The following RPRD2 variants were observed in gnomAD, a reference collection of about 807,000 sequenced individuals.
The protein encoded by RPRD2 is regulation of nuclear pre-mRNA domain containing 2.
Under a neutral mutation model 104.4 loss-of-function variants are expected in RPRD2, and 12 were observed. The ratio of observed to expected loss-of-function variants is 0.11; its 90% confidence interval spans 0.07 to 0.19. The LOEUF is 0.19. RPRD2 is among the 10% of genes least tolerant of loss of function. RPRD2 has a pLI of 1.00. For missense variants in RPRD2, 1,543 were observed against 1,790.1 expected (o/e 0.86, Z 2.49); for synonymous variants, 714 against 684.9 (o/e 1.04, Z -0.66).
At chr1:150,391,809 G>A (rs1411117453) in intron 1 of RPRD2, among the ~76,000 whole-genome samples, 3 of 152,052 alleles carry the variant, frequency 2.0e-5, no homozygotes, top group East Asian at 1.9e-4. Context: ...TTGGGAGGCC[G>A]AGGCAGGAGA....
At chr1:150,409,770 C>G (rs1405058882) in intron 1 of RPRD2, among the ~76,000 whole-genome samples, 4 of 151,110 alleles carry the variant, frequency 2.6e-5, no homozygotes, top group Non-Finnish European at 5.9e-5. Context: ...TCAGCCTCCT[C>G]AGCAGCTGGG....
rs587719827 is a variant in RPRD2 at position 150,408,635 on chromosome 1, G to T, written c.206-8961G>T. On this transcript the variant is annotated intron_variant, in intron 1 of 10. Transcript: ENST00000369068. ...CATTTAAATAGTGTTTTACATAATGGTATATGTACATTTTTCTTTCCTGTG... is the reference window on the plus strand; with the variant it reads ...CATTTAAATAGTGTTTTACATAATGTTATATGTACATTTTTCTTTCCTGTG... Among the ~76,000 whole-genome samples, 8 of 150,642 alleles carry T rather than the reference G, an allele frequency of 5.3e-5. 1 individual carries two copies. In the South Asian group the frequency reaches 1.7e-3, roughly 32 times the overall value.
At chr1:150,397,875 G>A (rs1026936948) in intron 1 of RPRD2, among the ~76,000 whole-genome samples, 11 of 151,600 alleles carry the variant, frequency 7.3e-5, no homozygotes, top group African/African-American at 9.7e-5. Flanking sequence ...GTCAGCCTCC[G>A]GAGTAGCTGG....
At chr1:150,443,840 CT>C (rs1553894992) in intron 5 of RPRD2, among the ~76,000 whole-genome samples, 1 of 123,726 alleles carries the variant, frequency 8.1e-6, no homozygotes, top group East Asian at 2.1e-4. Flanking sequence ...CCCGTCTCTA[CT>C]AAAAATTAAA....
rs1553899481 is a variant in RPRD2 at position 150,464,567 on chromosome 1, C to G, written c.1452C>G (p.Thr484=). ...CAAGACCTTCTCCAGGAACGCCCAC[C>G]AGCCCCAGCAACCTCACCAGTGGCC... The part of the protein sequence containing the change: ...PASRPSPGTP[T]SPSNLTSGLK... Residue 484 remains threonine, a synonymous_variant, in exon 10 of 11, where the codon ACC becomes ACG. Transcript: ENST00000369068. 6.2e-7 allele frequency: 1 copy of G among 1,606,288 alleles called. No individual in the cohort carries two copies. The highest frequency in any genetic ancestry group is 1.1e-5 in the South Asian group (1 of 89,836).
intron 2 of RPRD2, among the ~76,000 whole-genome samples, chr1:150,423,992 A>G (rs1005194487): frequency 6.6e-6 from 1 of 151,854 alleles, no homozygotes; most frequent in African/African-American, 2.4e-5. Context: ...GGGTTTCTCC[A>G]TGTTGGTCAG....
chr1:150,475,132 A>C lies in RPRD2; in HGVS notation c.*1798A>C, dbSNP rs1217846759. 1 of 152,152 alleles carries C rather than the reference A, an allele frequency of 6.6e-6. No homozygotes were observed. Among genetic ancestry groups the C allele is most frequent in the African/African-American group, 2.4e-5 (1 of 41,404 alleles). 9.4% of individuals were successfully genotyped at this position (152,152 alleles called of 1,614,324 possible). ...TCTCTGCCCTGTAGCTCTCCCCACA[A>C]AAATGCATGATACCATGACCTTACG... is the stretch of plus-strand genomic sequence containing the variant. On this transcript the variant is annotated 3_prime_UTR_variant, in exon 11 of 11. Transcript: ENST00000369068.
At chr1:150,381,837 G>C (rs1661159066) in intron 1 of RPRD2, among the ~76,000 whole-genome samples, 1 of 152,100 alleles carries the variant, frequency 6.6e-6, no homozygotes, top group South Asian at 2.1e-4. Context: ...ATTTATGTAT[G>C]TAGGGAGACA....
At position 150,471,280 on chromosome 1, in the gene RPRD2, T is replaced by C; in HGVS notation, c.2332T>C (p.Tyr778His). Residue 778 changes from tyrosine (Y) to histidine (H), a missense_variant, in exon 11 of 11, where the codon TAC (tyrosine) becomes CAC (histidine). Coordinates refer to ENST00000369068, the MANE Select transcript of RPRD2 (RefSeq NM_015203.5). The surrounding 1 kb of genome is among the most constrained non-coding windows in gnomAD (Gnocchi z 5.3). Reference protein sequence around the residue: ...RSPPPGRDESYPRELSNSVST... With the variant: ...RSPPPGRDESHPRELSNSVST... ...ACCACCCCCTGGGAGAGATGAAAGC[T>C]ACCCCCGAGAGCTCTCCAATTCTGT... 1.2e-6 allele frequency: 2 copies of C among 1,613,140 alleles called. No homozygotes were observed. Among genetic ancestry groups the C allele is most frequent in the Non-Finnish European group, 1.7e-6 (2 of 1,179,598 alleles).
At chr1:150,463,296 A>G (rs1378729246) in intron 9 of RPRD2, among the ~76,000 whole-genome samples, 1 of 152,194 alleles carries the variant, frequency 6.6e-6, no homozygotes, top group Non-Finnish European at 1.5e-5. Flanking sequence ...GTGAATGTCC[A>G]CTGCACTCCA....
intron 1 of RPRD2, among the ~76,000 whole-genome samples, chr1:150,380,944 G>A (rs1265197008): frequency 6.6e-6 from 1 of 152,112 alleles, no homozygotes; most frequent in Non-Finnish European, 1.5e-5. Context: ...CGTGAAGCAC[G>A]CCTGGCCTTT....
chr1:150,447,117 G>C (rs1208755189), intron 7 of RPRD2, among the ~76,000 whole-genome samples: 1 of 151,952 alleles, frequency 6.6e-6, no homozygotes, highest in African/African-American at 2.4e-5. Context: ...TTACAGGCAG[G>C]AGCCACCGTG....
intron 2 of RPRD2, among the ~76,000 whole-genome samples, chr1:150,424,188 A>G (rs142499771): frequency 1.1e-4 from 16 of 152,352 alleles, no homozygotes; most frequent in African/African-American, 3.4e-4. Context: ...CTACTCCTAC[A>G]GTTTCAATTT....
At chr1:150,440,732 T>C (rs587764597) in intron 2 of RPRD2, among the ~76,000 whole-genome samples, 191 bp from the exon 3 acceptor site, 1 of 152,114 alleles carries the variant, frequency 6.6e-6, no homozygotes, top group African/African-American at 2.4e-5. Context: ...TGGTAATTAT[T>C]TTAAGTTTAA....
At chr1:150,403,222 A>G (rs1355519857) in intron 1 of RPRD2, among the ~76,000 whole-genome samples, 1 of 152,200 alleles carries the variant, frequency 6.6e-6, no homozygotes, top group Non-Finnish European at 1.5e-5. Context: ...GTGATTTAAT[A>G]CTTGCATACA....
At chr1:150,415,873 C>T (rs1446570048) in intron 1 of RPRD2, among the ~76,000 whole-genome samples, 3 of 152,198 alleles carry the variant, frequency 2.0e-5, no homozygotes, top group Non-Finnish European at 1.5e-5. Context: ...AGATAATTTC[C>T]ATTTAATGAT....
chr1:150,379,971 A>G (rs782648421), intron 1 of RPRD2, among the ~76,000 whole-genome samples: 11 of 152,252 alleles, frequency 7.2e-5, no homozygotes, highest in Admixed American at 2.0e-4. Flanking sequence ...ATTTTCTGCA[A>G]TGTAGATATC....
chr1:150,376,667 A>AT (rs372508410), intron 1 of RPRD2, among the ~76,000 whole-genome samples: 25 of 151,450 alleles, frequency 1.7e-4, no homozygotes, highest in African/African-American at 5.8e-4. Flanking sequence ...CGCCCGGCTG[A>AT]TTTTTTGTAT....
At chr1:150,467,329 A>G (rs1250557847) in intron 10 of RPRD2, among the ~76,000 whole-genome samples, 6 of 152,224 alleles carry the variant, frequency 3.9e-5, no homozygotes, top group Non-Finnish European at 8.8e-5. Flanking sequence ...TATCAGGGAC[A>G]ATTTGAGAGT....
Sources: gnomAD v4.1 joint callset for allele counts (sites outside exome capture counted in the v4.1 genomes callset) on GRCh38, gnomAD v4.1.1 for gene constraint, Gnocchi (gnomAD v3.1) non-coding constraint, MANE v1.5 for transcripts, NCBI Gene and HGNC (gene_info 2026-07-23, HGNC 2026-07-21) for gene names.